The following C7orf33 variants were observed in gnomAD, a reference collection of about 807,000 sequenced individuals.
C7orf33 encodes the protein uncharacterized protein C7orf33.
A neutral mutation model predicts 13.4 loss-of-function variants in C7orf33; 15 were observed. The observed-to-expected ratio is 1.12, with a 90% confidence interval of 0.75 to 1.72. The LOEUF (loss-of-function observed/expected upper bound fraction) is 1.72. C7orf33 is among the 40% of genes most tolerant of loss of function. C7orf33 has a pLI of 0.00. For missense variants in C7orf33, 187 were observed against 220.3 expected (o/e 0.85, Z 0.96); for synonymous variants, 73 against 83.2 (o/e 0.88, Z 0.67).
In C7orf33 at chr7:148,614,027, G is replaced by A. The variant is rs201257705; in HGVS notation, c.205-15G>A. 1 of 1,587,470 alleles carries A rather than the reference G, an allele frequency of 6.3e-7. No homozygotes were observed. Among genetic ancestry groups the A allele is most frequent in the Non-Finnish European group, 8.6e-7 (1 of 1,160,956 alleles). On this transcript the variant is annotated splice_polypyrimidine_tract_variant and intron_variant, in intron 1 of 2. Coordinates refer to ENST00000307003, the MANE Select transcript of C7orf33 (RefSeq NM_145304.4). ...ACCCTTTAACCCAATTTGTTTGTTT[G>A]TTTGTTTTTTCCAGAAGCCAAACCC...
chr7:148,611,622 C>T (rs894024641), intron 1 of C7orf33, among the ~76,000 whole-genome samples: 5 of 152,318 alleles, frequency 3.3e-5, no homozygotes, highest in Non-Finnish European at 5.9e-5. Flanking sequence ...ATGTGTGATC[C>T]GATTCTTCTG....
intron 1 of C7orf33, among the ~76,000 whole-genome samples, chr7:148,601,553 C>T (rs992643870): frequency 2.0e-5 from 3 of 152,092 alleles, no homozygotes; most frequent in African/African-American, 7.2e-5. Flanking sequence ...CACCATGTTG[C>T]TCATGCTGGT....
At chr7:148,594,936 A>G (rs974167543) in intron 1 of C7orf33, among the ~76,000 whole-genome samples, 3 of 151,986 alleles carry the variant, frequency 2.0e-5, no homozygotes, top group African/African-American at 7.2e-5. Flanking sequence ...ACATGAGACA[A>G]CAGTGAGCCA....
chr7:148,605,841 A>G (rs1004041959), intron 1 of C7orf33, among the ~76,000 whole-genome samples: 2 of 152,158 alleles, frequency 1.3e-5, no homozygotes, highest in African/African-American at 4.8e-5. Flanking sequence ...ATTTTTACCT[A>G]GTTAACACTT....
chr7:148,601,045 G>A (rs574682150), intron 1 of C7orf33, among the ~76,000 whole-genome samples: 66 of 152,096 alleles, frequency 4.3e-4, no homozygotes, highest in Non-Finnish European at 7.6e-4. Context: ...CTCATGATCT[G>A]CCCACCTCAG....
intron 1 of C7orf33, among the ~76,000 whole-genome samples, chr7:148,603,107 C>A (rs1473932524): frequency 1.3e-5 from 2 of 152,112 alleles, no homozygotes; most frequent in Non-Finnish European, 2.9e-5. Context: ...ATCAGCAGAC[C>A]CAGCCCCAGA....
rs775170101 is a variant in C7orf33, at chr7:148,615,373, C to A, written c.506C>A (p.Thr169Lys). 14 of 1,613,298 alleles carry A rather than the reference C, an allele frequency of 8.7e-6. No homozygotes were observed. Among genetic ancestry groups the A allele is most frequent in the South Asian group, 2.2e-5 (2 of 91,062 alleles). ...AAGCTCCAGAATTCTGTTGAGGCCA[C>A]AAGGATTTCCAGAACTGACAGCAGT... The part of the protein sequence containing the change: ...VRKLQNSVEA[T>K]RISRTDSS Residue 169 changes from threonine (T) to lysine (K), a missense_variant, in exon 3 of 3, where the codon ACA becomes AAA. Transcript: ENST00000307003.
chr7:148,614,003 C>A, intron 1 of C7orf33, 39 bp from the exon 2 acceptor site: 1 of 1,582,346 alleles, frequency 6.3e-7, no homozygotes, highest in Middle Eastern at 1.7e-4. Flanking sequence ...CATCTTTCCA[C>A]CCTTTAACCC....
At chr7:148,602,447 A>C (rs946145673) in intron 1 of C7orf33, among the ~76,000 whole-genome samples, 1 of 152,040 alleles carries the variant, frequency 6.6e-6, no homozygotes, top group African/African-American at 2.4e-5. Context: ...AAATACAAAA[A>C]CTAGCCAGGC....
intron 1 of C7orf33, among the ~76,000 whole-genome samples, chr7:148,613,437 G>T (rs964829277): frequency 2.6e-5 from 4 of 152,216 alleles, no homozygotes; most frequent in Admixed American, 1.3e-4. Flanking sequence ...ATGATGAATG[G>T]ATAAATAATT....
intron 1 of C7orf33, among the ~76,000 whole-genome samples, chr7:148,605,649 C>G (rs1438504093): frequency 6.6e-6 from 1 of 152,158 alleles, no homozygotes; most frequent in Non-Finnish European, 1.5e-5. Flanking sequence ...TCATATTCAC[C>G]AGAACCAGTG....
At position 148,592,491 on chromosome 7, in the gene C7orf33, G is replaced by A. The variant is rs145223867; in HGVS notation, c.204+1362G>A. ...CTTTTAAAGGATGCCACAAGTGCAT[G>A]GGTGGAGCATATAGGGTAGATAGGA... On this transcript the variant is annotated intron_variant, in intron 1 of 2. Transcript: ENST00000307003. 4.1e-3 allele frequency among the ~76,000 whole-genome samples: 630 copies of A among 152,060 alleles called. 4 individuals carry two copies. The highest frequency in any genetic ancestry group is 0.014 in the African/African-American group (573 of 41,446).
chr7:148,602,918 C>T (rs1043585657), intron 1 of C7orf33, among the ~76,000 whole-genome samples: 9 of 152,190 alleles, frequency 5.9e-5, no homozygotes, highest in African/African-American at 1.9e-4. Flanking sequence ...GTCATCCTTT[C>T]CAGATTCCTA....
chr7:148,612,835 T>C (rs1796560597), intron 1 of C7orf33, among the ~76,000 whole-genome samples: 1 of 151,486 alleles, frequency 6.6e-6, no homozygotes, highest in Admixed American at 6.6e-5. Context: ...CCTCAAAATA[T>C]TAAACACATA....
chr7:148,600,117 G>A (rs1411395825), intron 1 of C7orf33, among the ~76,000 whole-genome samples: 2 of 152,134 alleles, frequency 1.3e-5, no homozygotes, highest in African/African-American at 4.8e-5. Flanking sequence ...TTGTCTCTGG[G>A]TACCTCTAGC....
At chr7:148,608,530 A>G (rs1796500392) in intron 1 of C7orf33, among the ~76,000 whole-genome samples, 2 of 151,534 alleles carry the variant, frequency 1.3e-5, no homozygotes, top group African/African-American at 4.9e-5. Flanking sequence ...TTCCCATCTA[A>G]ATTGCCGTGG....
chr7:148,611,849 G>C (rs1054088725), intron 1 of C7orf33, among the ~76,000 whole-genome samples: 1 of 152,228 alleles, frequency 6.6e-6, no homozygotes. Flanking sequence ...CATTCATCCC[G>C]GCATCTGCAC....
At position 148,596,450 on chromosome 7, in the gene C7orf33, A is replaced by C. The variant is rs114932582; in HGVS notation, c.204+5321A>C. Among the ~76,000 whole-genome samples, 1,467 of 152,344 alleles carry C rather than the reference A, an allele frequency of 9.6e-3. 20 individuals are homozygous for C. Among genetic ancestry groups the C allele is most frequent in the African/African-American group, 0.034 (1,400 of 41,574 alleles). On this transcript the variant is annotated intron_variant, in intron 1 of 2. Transcript: ENST00000307003. ...AGACTGGGCAATTTACAAAAGAAATAAGTTTAATTGGACTTACAGTTCCAC... is the reference window on the plus strand; with the variant it reads ...AGACTGGGCAATTTACAAAAGAAATCAGTTTAATTGGACTTACAGTTCCAC...
At chr7:148,596,857 AC>A (rs1442014807) in intron 1 of C7orf33, among the ~76,000 whole-genome samples, 2 of 151,904 alleles carry the variant, frequency 1.3e-5, no homozygotes, top group Non-Finnish European at 2.9e-5. Context: ...TGATCTTTTT[AC>A]TGTCTCCATA....
Sources: allele counts gnomAD v4.1 joint callset (sites outside exome capture counted in the v4.1 genomes callset), GRCh38; gene constraint gnomAD v4.1.1; transcripts MANE v1.5; gene names NCBI Gene and HGNC (gene_info 2026-07-23, HGNC 2026-07-21).